The following GCNT3 variants were observed in gnomAD, a reference collection of about 807,000 sequenced individuals.
The protein encoded by GCNT3 is glucosaminyl (N-acetyl) transferase 3, mucin type.
For missense variants in GCNT3, 708 were observed against 530.3 expected (o/e 1.34, Z -3.29); for synonymous variants, 269 against 195.2 (o/e 1.38, Z -3.15).
At position 59,622,312 on chromosome 15, in the gene GCNT3, C is replaced by CAAAA. The variant is rs11303347; in HGVS notation, c.*2769_*2772dup. 1 of 142,988 alleles carries CAAAA rather than the reference C, an allele frequency of 7.0e-6. No individual in the cohort carries two copies. The highest frequency in any genetic ancestry group is 1.5e-5 in the Non-Finnish European group (1 of 65,230). 8.9% of individuals were successfully genotyped at this position (142,988 alleles called of 1,614,324 possible). ...TGGGCGATAGAGCCAGACTGAGTCT[C>CAAAA]AAAAAAAAAAAAAAAGTTACCTTTT... On this transcript the variant is annotated 3_prime_UTR_variant, in exon 3 of 3. Transcript: ENST00000396065.
chr15:59,619,774 T>C lies in GCNT3; in HGVS notation c.*219T>C. 2.2e-6 allele frequency: 1 copy of C among 463,534 alleles called. No individual in the cohort carries two copies. Among genetic ancestry groups the C allele is most frequent in the Non-Finnish European group, 4.0e-6 (1 of 248,448 alleles). 28.7% of individuals were successfully genotyped at this position (463,534 alleles called of 1,614,324 possible). ...TTCTCTCACCCCTAACCCTAGTAGTTCCTCCACTAACTTTCTCACTAAGTG... is the reference window on the plus strand; with the variant it reads ...TTCTCTCACCCCTAACCCTAGTAGTCCCTCCACTAACTTTCTCACTAAGTG... On this transcript the variant is annotated 3_prime_UTR_variant, in exon 3 of 3. Transcript: ENST00000396065.
rs140027050 is a variant in GCNT3, at chr15:59,616,406, C to A, written c.-250-286C>A. 25 of 152,334 alleles carry A rather than the reference C, an allele frequency of 1.6e-4. 2 individuals carry two copies. Among genetic ancestry groups the A allele is most frequent in the African/African-American group, 6.0e-4 (25 of 41,576 alleles). The allele number at this position is 152,334 out of a possible 1,614,324, so 9.4% of individuals were successfully genotyped here. A position where few individuals can be genotyped will look rare whatever the true frequency, so the allele number is the denominator to read the frequency against. ...CAAAAGAAGGGAGGGGCATATCTCT[C>A]TGTTTCTATGGTTCCTCGTTGAGGG... is the stretch of plus-strand genomic sequence containing the variant. On this transcript the variant is annotated intron_variant, in intron 1 of 2. Transcript: ENST00000396065.
chr15:59,618,353 C>A lies in GCNT3; in HGVS notation c.115C>A (p.His39Asn). Residue 39 changes from histidine to asparagine, a missense_variant, in exon 3 of 3, where the codon CAC becomes AAC. By Grantham distance (68) the His-to-Asn change is moderately conservative. Coordinates refer to ENST00000396065, the MANE Select transcript of GCNT3 (RefSeq NM_004751.3). ...LSFRLKCDSD[H>N]LGLESRESQS... ...TTTCAGGTTGAAGTGTGACTCTGAC[C>A]ACTTGGGTCTGGAGTCCAGGGAATC... The A allele has an allele frequency of 6.2e-7, 1 of 1,613,858 alleles. No individual in the cohort carries two copies. Among genetic ancestry groups the A allele is most frequent in the Non-Finnish European group, 8.5e-7 (1 of 1,179,790 alleles).
chr15:59,615,505 A>C (rs2082715522), intron 1 of GCNT3, among the ~76,000 whole-genome samples: 1 of 152,094 alleles, frequency 6.6e-6, no homozygotes, highest in South Asian at 2.1e-4. Flanking sequence ...GCTATGTCCA[A>C]CAATTGCTAG....
At chr15:59,616,385 A>G (rs1348253171) in intron 1 of GCNT3, 1 of 152,186 alleles carries the variant, frequency 6.6e-6, no homozygotes, top group Non-Finnish European at 1.5e-5. Context: ...CCCAAACAAA[A>G]GAAGGGAGGG....
chr15:59,615,345 C>T (rs754605027), intron 1 of GCNT3: 5 of 152,144 alleles, frequency 3.3e-5, no homozygotes, highest in Non-Finnish European at 7.3e-5. Context: ...GCCCAGAGGG[C>T]CCTCCTGTGA....
chr15:59,618,842 A>G lies in GCNT3; in HGVS notation c.604A>G (p.Arg202Gly). ...LVRVVYASWSRVQADLNCMED... is the reference protein window; with the variant it reads ...LVRVVYASWSGVQADLNCMED... Reference sequence around the variant, plus strand: ...TCGGGTGGTTTATGCCTCCTGGTCCAGGGTGCAAGCTGACCTCAACTGCAT... The same window carrying G: ...TCGGGTGGTTTATGCCTCCTGGTCCGGGGTGCAAGCTGACCTCAACTGCAT... Residue 202 changes from arginine to glycine, a missense_variant, in exon 3 of 3, where the codon AGG becomes GGG. Arg to Gly is a moderately radical substitution (Grantham distance 125, BLOSUM62 -2). Transcript: ENST00000396065. The G allele has an allele frequency of 4.3e-6, 7 of 1,614,178 alleles. No homozygotes were observed. The highest frequency in any genetic ancestry group is 5.9e-6 in the Non-Finnish European group (7 of 1,180,024).
At position 59,619,306 on chromosome 15, in the gene GCNT3, C is replaced by A. The variant is rs748099476; in HGVS notation, c.1068C>A (p.Asp356Glu). Residue 356 changes from aspartate to glutamate, a missense_variant, in exon 3 of 3, where the codon GAC becomes GAA. By Grantham distance (45) the Asp-to-Glu change is conservative (BLOSUM62 2). Transcript: ENST00000396065. ...VPNHPKYDIS[D>E]MTSIARLVKW... The stretch of plus-strand genomic sequence containing the variant: ...ACCACCCCAAGTACGACATCTCAGA[C>A]ATGACTTCTATTGCCAGGCTGGTCA... 6.2e-7 allele frequency: 1 copy of A among 1,614,038 alleles called. No individual in the cohort carries two copies. The highest frequency in any genetic ancestry group is 1.1e-5 in the South Asian group (1 of 91,090).
chr15:59,620,871 CTTTTTTTTTTTTTTTTT>C lies in GCNT3; in HGVS notation c.*1329_*1345del, dbSNP rs35956614. 3.9e-5 allele frequency: 2 copies of C among 51,110 alleles called. No individual in the cohort carries two copies. Among genetic ancestry groups the C allele is most frequent in the Admixed American group, 3.1e-4 (1 of 3,216 alleles). 3.2% of individuals were successfully genotyped at this position (51,110 alleles called of 1,614,324 possible). Reference sequence around the variant, plus strand: ...TGTTTAGGCCTCTTGAGTCAAAACTCTTTTTTTTTTTTTTTTTTTTTTTTTTTTTGGAGACAGGTTCT... The same window carrying C: ...TGTTTAGGCCTCTTGAGTCAAAACTCTTTTTTTTTTTTGGAGACAGGTTCT... On this transcript the variant is annotated 3_prime_UTR_variant, in exon 3 of 3. Coordinates refer to ENST00000396065, the MANE Select transcript of GCNT3 (RefSeq NM_004751.3).
At chr15:59,612,437 G>A (rs1213025377) in intron 1 of GCNT3, among the ~76,000 whole-genome samples, 2 of 152,292 alleles carry the variant, frequency 1.3e-5, no homozygotes, top group South Asian at 4.1e-4. Flanking sequence ...ACTGAGGGAG[G>A]TGAAGGTCAT....
At position 59,619,705 on chromosome 15, in the gene GCNT3, A is replaced by G; in HGVS notation, c.*150A>G. On this transcript the variant is annotated 3_prime_UTR_variant, in exon 3 of 3. Transcript: ENST00000396065. ...GGCTGCTATTAGAGTGTGGGTAAGT[A>G]GATCTTTTGCCTTGCAAATTGCTGC... 1.5e-6 allele frequency: 1 copy of G among 656,004 alleles called. No individual in the cohort carries two copies. The highest frequency in any genetic ancestry group is 2.5e-5 in the Admixed American group (1 of 39,474). 40.6% of individuals were successfully genotyped at this position (656,004 alleles called of 1,614,324 possible).
intron 1 of GCNT3, among the ~76,000 whole-genome samples, chr15:59,616,017 A>G (rs1303606028): frequency 6.6e-6 from 1 of 152,208 alleles, no homozygotes; most frequent in African/African-American, 2.4e-5. Context: ...TTTGTAATCT[A>G]TACCATGGCC....
In GCNT3 at chr15:59,616,732, T is replaced by C. The variant is rs1409752715; in HGVS notation, c.-210T>C. The C allele has an allele frequency of 2.6e-5, 4 of 152,210 alleles. No homozygotes were observed. Among genetic ancestry groups the C allele is most frequent in the African/African-American group, 7.2e-5 (3 of 41,432 alleles). The allele number at this position is 152,210 out of a possible 1,614,324, so 9.4% of individuals were successfully genotyped here. On this transcript the variant is annotated 5_prime_UTR_variant, in exon 2 of 3. It removes an upstream start codon present in the reference 5' UTR. Coordinates refer to ENST00000396065, the MANE Select transcript of GCNT3 (RefSeq NM_004751.3). ...CTGAAACTGTTCCTTGGACATCTTA[T>C]GAATGTCAGAAAATACCTTTTGGAG...
chr15:59,613,363 A>G (rs1257024381), intron 1 of GCNT3, among the ~76,000 whole-genome samples: 1 of 151,964 alleles, frequency 6.6e-6, no homozygotes, highest in African/African-American at 2.4e-5. Flanking sequence ...ATGTGTTATT[A>G]ACAAATACTT....
chr15:59,612,344 G>C (rs547719935), intron 1 of GCNT3, among the ~76,000 whole-genome samples: 1 of 152,334 alleles, frequency 6.6e-6, no homozygotes, highest in South Asian at 2.1e-4. Context: ...CTATTTGAAA[G>C]ACAGCATTAT....
rs373392452 is a variant in GCNT3 at position 59,615,465 on chromosome 15, T to G, written c.-250-1227T>G. 1.4e-4 allele frequency among the ~76,000 whole-genome samples: 21 copies of G among 152,286 alleles called. No homozygotes were observed. In the East Asian group the frequency reaches 1.5e-3, roughly 11 times the overall value. On this transcript the variant is annotated intron_variant, in intron 1 of 2. Transcript: ENST00000396065. Reference sequence around the variant, plus strand: ...TTTCAATTTAATAATTTTCAGTTCCTCCCTTAATTCCCTCAATCTAGGAGT... The same window carrying G: ...TTTCAATTTAATAATTTTCAGTTCCGCCCTTAATTCCCTCAATCTAGGAGT...
chr15:59,619,257 G>T lies in GCNT3; in HGVS notation c.1019G>T (p.Arg340Leu), dbSNP rs182967667. Residue 340 changes from arginine to leucine, a missense_variant, in exon 3 of 3, where the codon CGG (arginine) becomes CTG (leucine). Transcript: ENST00000396065. Reference sequence around the variant, plus strand: ...CTCTGGGCCACCCTTCAGCGTGCACGGTGGATGCCTGGCTCTGTTCCCAAC... The same window carrying T: ...CTCTGGGCCACCCTTCAGCGTGCACTGTGGATGCCTGGCTCTGTTCCCAAC... Reference protein sequence around the residue: ...EHLWATLQRARWMPGSVPNHP... With the variant: ...EHLWATLQRALWMPGSVPNHP... 3.7e-6 allele frequency: 6 copies of T among 1,614,088 alleles called. No homozygotes were observed. The highest frequency in any genetic ancestry group is 4.5e-5 in the East Asian group (2 of 44,874).
chr15:59,617,898 G>C (rs1382768651), intron 2 of GCNT3: 2 of 183,160 alleles, frequency 1.1e-5, no homozygotes, highest in African/African-American at 4.7e-5. Flanking sequence ...GGTGGGTGGG[G>C]ACGTGCTCTT....
chr15:59,618,056 A>C (rs2082727722), intron 2 of GCNT3, 123 bp from the exon 3 acceptor site: 2 of 497,410 alleles, frequency 4.0e-6, no homozygotes, highest in African/African-American at 1.9e-5. Context: ...AGGGGCTTCT[A>C]GGCAGGTCTT....
Sources: allele counts gnomAD v4.1 joint callset (sites outside exome capture counted in the v4.1 genomes callset), GRCh38; gene constraint gnomAD v4.1.1; transcripts MANE v1.5; gene names NCBI Gene and HGNC (gene_info 2026-07-23, HGNC 2026-07-21).